FLT4: variants seen among roughly 807,000 people sequenced by gnomAD.
FLT4 encodes the protein vascular endothelial growth factor receptor 3.
A neutral mutation model predicts 163.2 loss-of-function variants in FLT4; 30 were observed. That is an observed-to-expected ratio of 0.18 (90% CI 0.14 to 0.25). The LOEUF (loss-of-function observed/expected upper bound fraction) is 0.25. FLT4 is among the 10% of genes least tolerant of loss of function. The pLI, the probability that FLT4 is intolerant of heterozygous loss-of-function variation, is 1.00. For missense variants in FLT4, 1,510 were observed against 1,863.8 expected, an observed-to-expected ratio of 0.81 and a Z score of 3.50; for synonymous variants, 884 against 789.5, an observed-to-expected ratio of 1.12 and a Z score of -2.01.
intron 17 of FLT4, 37 bp from the exon 18 acceptor site, chr5:180,619,806 C>G (rs769398792): frequency 2.0e-6 from 3 of 1,505,342 alleles, no homozygotes; most frequent in Non-Finnish European, 2.8e-6. Flanking sequence ...GTGAGCTGTA[C>G]GGGGTGAGCG....
intron 7 of FLT4, 67 bp from the exon 8 acceptor site, chr5:180,629,066 C>T (rs1411690145): frequency 3.4e-5 from 51 of 1,490,456 alleles, no homozygotes; most frequent in Middle Eastern, 3.4e-4. Context: ...GGGACTCCCC[C>T]CACGGCCCCT....
At chr5:180,613,163 C>T in intron 24 of FLT4, 53 bp from the exon 25 acceptor site, 2 of 1,355,860 alleles carry the variant, frequency 1.5e-6, no homozygotes, top group South Asian at 1.2e-5. Flanking sequence ...CGGCTCAGCC[C>T]AGCCCCCCAA....
intron 1 of FLT4, among the ~76,000 whole-genome samples, chr5:180,642,075 C>T (rs1302699866): frequency 6.6e-5 from 10 of 152,010 alleles, no homozygotes; most frequent in Non-Finnish European, 8.8e-5. Flanking sequence ...AGTGTGGTGG[C>T]GGGCGCCTGC....
Position 180,616,905 on chromosome 5 carries a change from G to C in FLT4, c.3091C>G (p.Arg1031Gly), listed in dbSNP as rs1244988443. Reference sequence around the variant, plus strand: ...GGCCTTCGGGGGAAGCTCACCTTTCGGGAAGCCAGGAACTCCATCCCTCTG... The same window carrying C: ...GGCCTTCGGGGGAAGCTCACCTTTCCGGAAGCCAGGAACTCCATCCCTCTG... ...VARGMEFLAS[R>G]KCIHRDLAAR... The change falls in exon 22 of 30, where the codon CGA (arginine) becomes GGA (glycine). Residue 1031 changes from arginine to glycine, a missense_variant. Around this residue, in one of 5 missense-constraint regions of FLT4, gnomAD observed 878 missense variants for 1,016.7 expected, o/e 0.86. Transcript: ENST00000261937. 1.2e-6 allele frequency: 2 copies of C among 1,612,792 alleles called. No homozygotes were observed. Among genetic ancestry groups the C allele is most frequent in the Non-Finnish European group, 1.7e-6 (2 of 1,179,344 alleles).
At chr5:180,611,595 C>T (rs1199773527) in intron 26 of FLT4, 116 bp from the exon 27 acceptor site, 23 of 1,126,068 alleles carry the variant, frequency 2.0e-5, no homozygotes, top group Admixed American at 1.0e-4. Context: ...CCTCAGCCCT[C>T]GCCCCCGCAC....
intron 24 of FLT4, chr5:180,613,734 C>T (rs1294522177): frequency 2.4e-6 from 1 of 423,846 alleles, no homozygotes; most frequent in Admixed American, 3.5e-5. Flanking sequence ...GGCCTGAGTT[C>T]CCACATGGAG....
Position 180,631,223 on chromosome 5 carries a change from C to T in FLT4, c.156-424G>A, listed in dbSNP as rs553279087. Among the ~76,000 whole-genome samples the T allele has an allele frequency of 3.9e-5, 6 of 152,166 alleles. No individual in the cohort carries two copies. In the East Asian group the frequency reaches 1.2e-3, roughly 29 times the overall value. ...GCACAGTGGCTCACGCCTGTAATCC[C>T]AGCACTTTGGGAGGCTGAGGTGGGT... is the stretch of plus-strand genomic sequence containing the variant. On this transcript the variant is annotated intron_variant, in intron 2 of 29. Transcript: ENST00000261937.
chr5:180,624,094 G>C (rs771190264), intron 10 of FLT4, 33 bp from the exon 11 acceptor site: 3 of 1,607,696 alleles, frequency 1.9e-6, no homozygotes, highest in South Asian at 2.2e-5. Context: ...GGGCAGGTCA[G>C]GGATACAGGC....
At position 180,629,334 on chromosome 5, in the gene FLT4, C is replaced by T. The variant is rs751948166; in HGVS notation, c.910G>A (p.Asp304Asn). ...ILTIHNVSQH[D>N]LGSYVCKANN... ...GCCTTGCACACATACGAGCCCAGGT[C>T]GTGCTGGCTGACGTTGTGGATGGTC... The change falls in exon 7 of 30, where the codon GAC becomes AAC. Residue 304 changes from aspartate to asparagine, a missense_variant. Physicochemically the swap from Asp to Asn is conservative, Grantham distance 23. This residue lies in a region of FLT4 where 163 missense variants were observed against 281.1 expected (regional missense o/e 0.58). Transcript: ENST00000261937. 9 of 1,613,176 alleles carry T rather than the reference C, an allele frequency of 5.6e-6. No homozygotes were observed. Among genetic ancestry groups the T allele is most frequent in the Non-Finnish European group, 6.8e-6 (8 of 1,180,020 alleles).
At position 180,611,545 on chromosome 5, in the gene FLT4, A is replaced by T. The variant is rs744283; in HGVS notation, c.3538-66T>A. Reference sequence around the variant, plus strand: ...GCCACTGCCCTCAGCCCTCGCCCCCACCCTCAGCCCTCACCCCCGCCCTCA... The same window carrying T: ...GCCACTGCCCTCAGCCCTCGCCCCCTCCCTCAGCCCTCACCCCCGCCCTCA... On this transcript the variant is annotated intron_variant, in intron 26 of 29. Coordinates refer to ENST00000261937, the MANE Select transcript of FLT4 (RefSeq NM_182925.5). 7.0e-6 allele frequency: 10 copies of T among 1,426,908 alleles called. No homozygotes were observed. The East Asian group carries it at 2.5e-4, about 36-fold the overall frequency. 88.4% of individuals were successfully genotyped at this position (1,426,908 alleles called of 1,614,324 possible). A position where few individuals can be genotyped will look rare whatever the true frequency, so the allele number is the denominator to read the frequency against.
chr5:180,649,569 G>A lies in FLT4; in HGVS notation c.-24C>T. 2 of 1,376,086 alleles carry A rather than the reference G, an allele frequency of 1.5e-6. No homozygotes were observed. Among genetic ancestry groups the A allele is most frequent in the Non-Finnish European group, 1.9e-6 (2 of 1,060,272 alleles). The allele number at this position is 1,376,086 out of a possible 1,614,324, so 85.2% of individuals were successfully genotyped here. ...ATCTCCGGCCGCTGCGCGTGGGTCCGACCCGAGCGGCCGCGGCTCGGGGCT... is the reference window on the plus strand; with the variant it reads ...ATCTCCGGCCGCTGCGCGTGGGTCCAACCCGAGCGGCCGCGGCTCGGGGCT... On this transcript the variant is annotated 5_prime_UTR_variant, in exon 1 of 30. Coordinates refer to ENST00000261937, the MANE Select transcript of FLT4 (RefSeq NM_182925.5).
chr5:180,619,637 C>G (rs375526612), intron 18 of FLT4, 28 bp downstream of exon 18: 1 of 1,567,402 alleles, frequency 6.4e-7, no homozygotes, highest in African/African-American at 1.4e-5. Context: ...ACCAGCTAGG[C>G]TGCCCCTTCC....
chr5:180,645,668 C>A (rs1765456827), intron 1 of FLT4, among the ~76,000 whole-genome samples: 1 of 152,194 alleles, frequency 6.6e-6, no homozygotes, highest in Non-Finnish European at 1.5e-5. Context: ...CGGGGGTGTG[C>A]CTGCTGTTAC....
rs928481740 is a variant in FLT4, at chr5:180,630,899, C to T, written c.156-100G>A. 2.1e-6 allele frequency: 3 copies of T among 1,401,958 alleles called. No individual in the cohort carries two copies. Among genetic ancestry groups the T allele is most frequent in the African/African-American group, 1.4e-5 (1 of 69,830 alleles). 86.8% of individuals were successfully genotyped at this position (1,401,958 alleles called of 1,614,324 possible). A position where few individuals can be genotyped will look rare whatever the true frequency, so the allele number is the denominator to read the frequency against. ...GCCGAGCCTCACCAGGTTTGTCTTA[C>T]CCAGAGCATGGAACTGCCCAGGGTT... On this transcript the variant is annotated intron_variant, in intron 2 of 29. Coordinates refer to ENST00000261937, the MANE Select transcript of FLT4 (RefSeq NM_182925.5). This position sits in a 1 kb window ranked among gnomAD's most constrained non-coding sequence, Gnocchi z 6.3.
intron 1 of FLT4, among the ~76,000 whole-genome samples, chr5:180,644,772 C>G (rs1043884407): frequency 2.0e-5 from 3 of 152,398 alleles, no homozygotes; most frequent in Non-Finnish European, 4.4e-5. Context: ...ACGCTTGCTG[C>G]TTAAAACAAA....
At chr5:180,649,786 C>CGAA (rs1765658136), upstream of FLT4, among the ~76,000 whole-genome samples, 1 of 151,994 alleles carries the variant, frequency 6.6e-6, no homozygotes, top group African/African-American at 2.4e-5. Context: ...CTGGGCGGCT[C>CGAA]CGGGCGCGGG....
rs752151565 is a variant in FLT4, at chr5:180,620,963, C to G, written c.2212G>C (p.Val738Leu). 1.2e-6 allele frequency: 2 copies of G among 1,610,652 alleles called. No homozygotes were observed. The highest frequency in any genetic ancestry group is 1.3e-5 in the African/African-American group (1 of 74,910). ...DSNQKLSIQR[V>L]REEDAGRYLC... is the part of the protein sequence containing the mutation. ...TAGCGTCCCGCATCCTCCTCGCGCA[C>G]GCGCTGGATGCTCAGCTTCTGGTTG... Residue 738 changes from valine to leucine, a missense_variant, in exon 15 of 30, where the codon GTG becomes CTG. Physicochemically the swap from Val to Leu is conservative, Grantham distance 32. Transcript: ENST00000261937. This position sits in a 1 kb window ranked among gnomAD's most constrained non-coding sequence, Gnocchi z 4.4.
intron 13 of FLT4, 142 bp from the exon 14 acceptor site, chr5:180,621,394 G>T: frequency 7.1e-7 from 1 of 1,412,696 alleles, no homozygotes; most frequent in Non-Finnish European, 9.5e-7. Context: ...GCGCGCCTCC[G>T]CAGGGGGCGG....
At chr5:180,617,155 T>C (rs1009944961) in intron 21 of FLT4, among the ~76,000 whole-genome samples, 161 bp from the exon 22 acceptor site, 4 of 143,496 alleles carry the variant, frequency 2.8e-5, no homozygotes, top group Non-Finnish European at 6.1e-5. Context: ...CCCCTCAGCC[T>C]CTGGGACACC....
Sources: gnomAD v4.1 joint callset for allele counts (sites outside exome capture counted in the v4.1 genomes callset) on GRCh38, gnomAD v4.1.1 for gene constraint, gnomAD v4.1.1 regional missense constraint, Gnocchi (gnomAD v3.1) non-coding constraint, MANE v1.5 for transcripts, NCBI Gene and HGNC (gene_info 2026-07-23, HGNC 2026-07-21) for gene names.